The following C4orf51 variants were observed in gnomAD, a reference collection of about 807,000 sequenced individuals.
C4orf51 encodes chromosome 4 open reading frame 51.
In C4orf51, 25 loss-of-function variants were observed where a neutral mutation model predicts 25.2. The observed-to-expected ratio is 0.99, with a 90% confidence interval of 0.72 to 1.39. The LOEUF (loss-of-function observed/expected upper bound fraction) is 1.39. Ranked by LOEUF, C4orf51 falls within the 40% of genes most tolerant of loss-of-function variation. C4orf51 has a pLI of 0.00. For missense variants in C4orf51, 252 were observed against 239.6 expected (o/e 1.05, Z -0.34); for synonymous variants, 100 against 84.5 (o/e 1.18, Z -1.01).
Position 145,701,236 on chromosome 4 carries a change from A to AAT in C4orf51, c.307+4605_307+4606insTA, listed in dbSNP as rs370632807. 2.6e-4 allele frequency among the ~76,000 whole-genome samples: 12 copies of AAT among 45,426 alleles called. No individual in the cohort carries two copies. The East Asian group carries it at 2.7e-3, about 10-fold the overall frequency. 29.8% of individuals were successfully genotyped at this position (45,426 alleles called of 152,430 possible). A position where few individuals can be genotyped will look rare whatever the true frequency, so the allele number is the denominator to read the frequency against. On this transcript the variant is annotated intron_variant, in intron 2 of 5. Coordinates refer to ENST00000438731, the MANE Select transcript of C4orf51 (RefSeq NM_001080531.3). ...CCTCACCTTCAAGGTGTACAATAAT[A>AAT]AAAAAAAAAGTGGCAATTCCTTGCC... is the stretch of plus-strand genomic sequence containing the variant.
At chr4:145,771,437 G>A (rs1416134841), downstream of C4orf51, among the ~76,000 whole-genome samples, 1 of 152,216 alleles carries the variant, frequency 6.6e-6, no homozygotes, top group Non-Finnish European at 1.5e-5. Context: ...AATGTGAGGT[G>A]AGGTATTGAT....
intron 2 of C4orf51, among the ~76,000 whole-genome samples, chr4:145,712,682 G>A (rs187237015): frequency 8.5e-5 from 13 of 152,374 alleles, no homozygotes; most frequent in Non-Finnish European, 1.3e-4. Context: ...TGAGGTAGAA[G>A]CTGCAACAAG....
chr4:145,790,146 G>T, the C4orf51 span, among the ~76,000 whole-genome samples: 1 of 152,288 alleles, frequency 6.6e-6, no homozygotes. Flanking sequence ...ACTGTATTAG[G>T]TGACAGCAAA....
downstream of C4orf51, chr4:145,774,493 C>T: frequency 2.5e-6 from 4 of 1,605,922 alleles, no homozygotes; most frequent in Non-Finnish European, 3.4e-6. Context: ...GAAGGACAGA[C>T]AGGAATGGTC....
chr4:145,792,269 G>A, the C4orf51 span, among the ~76,000 whole-genome samples: 1 of 151,998 alleles, frequency 6.6e-6, no homozygotes, highest in East Asian at 1.9e-4. Context: ...AGTTAAGAGT[G>A]TAGAAGGTCT....
At chr4:145,729,801 TAA>T in intron 4 of C4orf51, 89 bp from the exon 5 acceptor site, 1 of 1,077,964 alleles carries the variant, frequency 9.3e-7, no homozygotes, top group Non-Finnish European at 1.4e-6. Flanking sequence ...TCTATTGATT[TAA>T]AACAAGGTTT....
intron 1 of C4orf51, chr4:145,759,954 C>T (rs760654008): frequency 4.6e-5 from 7 of 152,148 alleles, no homozygotes; most frequent in Non-Finnish European, 8.8e-5. Flanking sequence ...GCACCGTACA[C>T]ATTTGTCTAC....
intron 2 of C4orf51, among the ~76,000 whole-genome samples, chr4:145,697,693 C>G (rs1730161661): frequency 6.6e-6 from 1 of 152,214 alleles, no homozygotes; most frequent in African/African-American, 2.4e-5. Context: ...CCAAGATGTC[C>G]TTCTCTTTAA....
In C4orf51 at chr4:145,765,043, G is replaced by A. The variant is rs1579078269; in HGVS notation, n.167-5945G>A. 1 of 1,614,082 alleles carries A rather than the reference G, an allele frequency of 6.2e-7. No homozygotes were observed. The highest frequency in any genetic ancestry group is 1.3e-5 in the African/African-American group (1 of 74,926). ...TTCTTATGCTCCAGCAGCTGTTCGG[G>A]GGTCTTCATGAACTTGTGGCACACA... On this transcript the variant is annotated intron_variant and non_coding_transcript_variant, in intron 1 of 1. Transcript: ENST00000510096. The surrounding 1 kb of genome is among the most constrained non-coding windows in gnomAD (Gnocchi z 4.7).
At chr4:145,791,015 T>C in the C4orf51 span, among the ~76,000 whole-genome samples, 1 of 152,256 alleles carries the variant, frequency 6.6e-6, no homozygotes, top group Non-Finnish European at 1.5e-5. Context: ...TGGGAGTTTC[T>C]GTTTGTTGGT....
chr4:145,732,360 T>C, intron 5 of C4orf51, 93 bp from the exon 6 acceptor site: 1 of 719,520 alleles, frequency 1.4e-6, no homozygotes. Flanking sequence ...ATGAATGATG[T>C]CTGGTTTGGA....
At chr4:145,728,928 T>C (rs1732264082) in intron 3 of C4orf51, among the ~76,000 whole-genome samples, 1 of 152,036 alleles carries the variant, frequency 6.6e-6, no homozygotes, top group South Asian at 2.1e-4. Context: ...TCTTTTTTTT[T>C]TGAGACAGGG....
chr4:145,693,342 G>A (rs1333843235), intron 1 of C4orf51, among the ~76,000 whole-genome samples: 1 of 150,956 alleles, frequency 6.6e-6, no homozygotes, highest in African/African-American at 2.4e-5. Context: ...AGAGCACAGG[G>A]TTGGGGGTAA....
At chr4:145,693,262 T>G (rs12502912) in intron 1 of C4orf51, among the ~76,000 whole-genome samples, 2 of 149,640 alleles carry the variant, frequency 1.3e-5, no homozygotes, top group African/African-American at 4.9e-5. Flanking sequence ...TTCAAGCATC[T>G]GTTTAACAAA....
At chr4:145,713,586 T>C (rs1348674576) in intron 2 of C4orf51, among the ~76,000 whole-genome samples, 3 of 152,200 alleles carry the variant, frequency 2.0e-5, no homozygotes, top group Non-Finnish European at 4.4e-5. Flanking sequence ...GTTCTTCTTA[T>C]GGATGAGCGA....
chr4:145,763,204 A>G lies in C4orf51; in HGVS notation n.167-7784A>G. 7.2e-7 allele frequency: 1 copy of G among 1,397,028 alleles called. No homozygotes were observed. Among genetic ancestry groups the G allele is most frequent in the Non-Finnish European group, 9.7e-7 (1 of 1,031,380 alleles). 86.5% of individuals were successfully genotyped at this position (1,397,028 alleles called of 1,614,324 possible). A position where few individuals can be genotyped will look rare whatever the true frequency, so the allele number is the denominator to read the frequency against. On this transcript the variant is annotated intron_variant and non_coding_transcript_variant, in intron 1 of 1. Transcript: ENST00000510096. This position sits in a 1 kb window ranked among gnomAD's most constrained non-coding sequence, Gnocchi z 4.6. ...TATAGAGTACAAGCAGTTCCATCAC[A>G]GAAAAGCAATTTAGACATCAGCAGT...
chr4:145,736,866 AT>A (rs981832001), downstream of C4orf51, among the ~76,000 whole-genome samples: 84 of 152,302 alleles, frequency 5.5e-4, no homozygotes, highest in African/African-American at 2.0e-3. Context: ...GAGCCTCTCA[AT>A]AGGCGCCTTT....
chr4:145,712,678 A>G (rs1731196705), intron 2 of C4orf51, among the ~76,000 whole-genome samples: 1 of 152,264 alleles, frequency 6.6e-6, no homozygotes, highest in South Asian at 2.1e-4. Context: ...GTGCTGAGGT[A>G]GAAGCTGCAA....
chr4:145,729,194 A>G lies in C4orf51; in HGVS notation c.392A>G (p.Asp131Gly), dbSNP rs1732281750. Reference protein sequence around the residue: ...GVAHQIWDFGDCFPTPPNYGK... With the variant: ...GVAHQIWDFGGCFPTPPNYGK... ...GCACATCAAATTTGGGATTTTGGTG[A>G]TTGTTTTCCGACACCTCCAAATTAT... The change falls in exon 4 of 6, where the codon GAT becomes GGT. Residue 131 changes from aspartate (D) to glycine (G), a missense_variant. By Grantham distance (94) the Asp-to-Gly change is moderately conservative. Transcript: ENST00000438731. 2.5e-6 allele frequency: 4 copies of G among 1,601,918 alleles called. No individual in the cohort carries two copies. The highest frequency in any genetic ancestry group is 3.4e-6 in the Non-Finnish European group (4 of 1,173,162).
Sources: gnomAD v4.1 joint callset for allele counts (sites outside exome capture counted in the v4.1 genomes callset) on GRCh38, gnomAD v4.1.1 for gene constraint, Gnocchi (gnomAD v3.1) non-coding constraint, MANE v1.5 for transcripts, NCBI Gene and HGNC (gene_info 2026-07-23, HGNC 2026-07-21) for gene names.